The following PLXDC2 variants were observed in gnomAD, a reference collection of about 807,000 sequenced individuals.
PLXDC2 encodes the protein plexin domain-containing protein 2.
A neutral mutation model predicts 68.9 loss-of-function variants in PLXDC2; 40 were observed. The ratio of observed to expected loss-of-function variants is 0.58; its 90% CI spans 0.45 to 0.76. The LOEUF (loss-of-function observed/expected upper bound fraction) is 0.76, where lower values mean the gene tolerates loss of function less well. Ranked by LOEUF, PLXDC2 falls within the 30% of genes least tolerant of loss-of-function variation. PLXDC2 has a pLI of 0.00. For missense variants in PLXDC2, 644 were observed against 661.9 expected (o/e 0.97, Z 0.30); for synonymous variants, 243 against 234.2 (o/e 1.04, Z -0.34).
At chr10:20,137,684 C>T (rs752025935) in intron 4 of PLXDC2, among the ~76,000 whole-genome samples, 1 of 152,176 alleles carries the variant, frequency 6.6e-6, no homozygotes, top group East Asian at 1.9e-4. Context: ...ATAGCAGATC[C>T]TTGAATAAAG....
At chr10:19,990,089 A>C (rs561771902) in intron 1 of PLXDC2, among the ~76,000 whole-genome samples, 1 of 151,958 alleles carries the variant, frequency 6.6e-6, no homozygotes, top group Non-Finnish European at 1.5e-5. Flanking sequence ...CTTTACCACC[A>C]GGATTTTTTT....
chr10:20,227,460 A>G (rs951988047), intron 12 of PLXDC2, among the ~76,000 whole-genome samples: 1 of 151,904 alleles, frequency 6.6e-6, no homozygotes, highest in Non-Finnish European at 1.5e-5. Flanking sequence ...GGGGATTGAC[A>G]TAGAAAGAGG....
At chr10:20,147,419 A>T (rs1834094155) in intron 5 of PLXDC2, among the ~76,000 whole-genome samples, 1 of 152,170 alleles carries the variant, frequency 6.6e-6, no homozygotes, top group Non-Finnish European at 1.5e-5. Context: ...GCATTTGTCA[A>T]ATGTATTTGA....
At chr10:20,052,134 A>G (rs911045500) in intron 3 of PLXDC2, among the ~76,000 whole-genome samples, 2 of 152,070 alleles carry the variant, frequency 1.3e-5, no homozygotes, top group African/African-American at 2.4e-5. Context: ...CCATTTGAAA[A>G]AAAATGCTAT....
chr10:20,131,557 GC>G (rs1833868419), intron 4 of PLXDC2, among the ~76,000 whole-genome samples: 1 of 151,930 alleles, frequency 6.6e-6, no homozygotes, highest in Non-Finnish European at 1.5e-5. Context: ...ATGCCACCAT[GC>G]CCAGCTAATT....
chr10:19,849,536 C>G (rs938760056), intron 1 of PLXDC2, among the ~76,000 whole-genome samples: 2 of 152,080 alleles, frequency 1.3e-5, no homozygotes, highest in African/African-American at 2.4e-5. Context: ...CATTCACTAT[C>G]CCATGATAGT....
At chr10:20,197,244 A>T (rs969106337) in intron 9 of PLXDC2, among the ~76,000 whole-genome samples, 1 of 152,210 alleles carries the variant, frequency 6.6e-6, no homozygotes, top group African/African-American at 2.4e-5. Flanking sequence ...ATTCATGTAT[A>T]CATAATCAGA....
chr10:19,848,861 A>G (rs1288088405), intron 1 of PLXDC2, among the ~76,000 whole-genome samples: 1 of 152,096 alleles, frequency 6.6e-6, no homozygotes, highest in Non-Finnish European at 1.5e-5. Context: ...TCTTCATCTC[A>G]TGAAAAGAAG....
At chr10:20,157,760 ATC>A (rs1406767599) in intron 6 of PLXDC2, among the ~76,000 whole-genome samples, 1 of 152,178 alleles carries the variant, frequency 6.6e-6, no homozygotes, top group Non-Finnish European at 1.5e-5. Context: ...TTGCTTTAAT[ATC>A]TGTTATAGAA....
chr10:19,833,968 G>A (rs1227699167), intron 1 of PLXDC2, among the ~76,000 whole-genome samples: 4 of 144,478 alleles, frequency 2.8e-5, no homozygotes, highest in Non-Finnish European at 4.5e-5. Flanking sequence ...TTTTTCTCCA[G>A]AACTGTATGG....
chr10:19,844,909 G>A (rs934706211), intron 1 of PLXDC2, among the ~76,000 whole-genome samples: 3 of 152,140 alleles, frequency 2.0e-5, no homozygotes, highest in African/African-American at 4.8e-5. Context: ...TGTCACTTAT[G>A]ATGGCCAAAA....
rs2131763249 is a variant in PLXDC2, at chr10:20,122,742, C to T, written c.542-20553C>T. ...GTCTCACAGTGGAGGCAAGGAATTG[C>T]AACTTTTTTCTACTATTGTACACCT... On this transcript the variant is annotated intron_variant, in intron 4 of 13. Transcript: ENST00000377252. Among the ~76,000 whole-genome samples, 3 of 152,230 alleles carry T rather than the reference C, an allele frequency of 2.0e-5. No individual in the cohort carries two copies. The East Asian group carries it at 5.8e-4, about 29-fold the overall frequency.
intron 12 of PLXDC2, among the ~76,000 whole-genome samples, chr10:20,224,645 G>A (rs1835263200): frequency 1.3e-5 from 2 of 152,162 alleles, no homozygotes; most frequent in African/African-American, 4.8e-5. Context: ...ATTCAACTCA[G>A]TCTAGCAAAT....
chr10:20,176,390 A>ATG (rs66825907), intron 7 of PLXDC2, among the ~76,000 whole-genome samples: 3,609 of 149,408 alleles, frequency 0.024, 65 homozygotes, highest in South Asian at 0.067. Context: ...TCGCACAGTT[A>ATG]TGTGTGTGTG....
chr10:20,182,675 A>G (rs1589669108), intron 9 of PLXDC2, among the ~76,000 whole-genome samples: 1 of 149,630 alleles, frequency 6.7e-6, no homozygotes, highest in East Asian at 2.0e-4. Context: ...GCTATTTTAC[A>G]TTTCTTTTTT....
chr10:19,914,532 C>T (rs920924492), intron 1 of PLXDC2, among the ~76,000 whole-genome samples: 2 of 152,126 alleles, frequency 1.3e-5, no homozygotes, highest in Non-Finnish European at 1.5e-5. Context: ...AGAGTTGAAA[C>T]GTTAAAGTTA....
chr10:19,994,192 A>G (rs1342484537), intron 1 of PLXDC2, among the ~76,000 whole-genome samples: 1 of 140,508 alleles, frequency 7.1e-6, no homozygotes, highest in Admixed American at 7.3e-5. Context: ...CCAGTGAGCT[A>G]TTTTGGGGTT....
At chr10:20,240,629 T>C (rs1200798338) in intron 12 of PLXDC2, among the ~76,000 whole-genome samples, 1 of 145,154 alleles carries the variant, frequency 6.9e-6, no homozygotes, top group Non-Finnish European at 1.5e-5. Flanking sequence ...CCTGCTAATA[T>C]ACGTTCATCT....
chr10:20,143,920 A>C (rs746702457), intron 5 of PLXDC2, among the ~76,000 whole-genome samples: 2 of 152,116 alleles, frequency 1.3e-5, no homozygotes, highest in Non-Finnish European at 2.9e-5. Flanking sequence ...ACTTTAGAAA[A>C]TGAGTGAGAG....
Sources: gnomAD v4.1 joint callset for allele counts (sites outside exome capture counted in the v4.1 genomes callset) on GRCh38, gnomAD v4.1.1 for gene constraint, MANE v1.5 for transcripts, NCBI Gene and HGNC (gene_info 2026-07-23, HGNC 2026-07-21) for gene names.